Variants in TMC2 observed in about 807,000 individuals in gnomAD.
The protein encoded by TMC2 is transmembrane channel-like protein 2.
A neutral mutation model predicts 105.9 loss-of-function variants in TMC2; 102 were observed. The ratio of observed to expected loss-of-function variants is 0.96; its 90% CI spans 0.82 to 1.14. TMC2 has a LOEUF of 1.14. Ranked by LOEUF, TMC2 falls within the 50% of genes most tolerant of loss-of-function variation. The pLI is 0.00. For synonymous variants in TMC2, 402 were observed against 422.8 expected (o/e 0.95, Z 0.60); for missense variants, 1,093 against 1,134.3 (o/e 0.96, Z 0.52).
intron 2 of TMC2, among the ~76,000 whole-genome samples, chr20:2,539,993 T>TC (rs1555769296): frequency 7.4e-6 from 1 of 134,254 alleles, no homozygotes; most frequent in African/African-American, 3.1e-5. Flanking sequence ...TTCTTTTCTT[T>TC]TTTTTTTTTT....
intron 19 of TMC2, among the ~76,000 whole-genome samples, chr20:2,640,183 C>T (rs1252944854): frequency 1.3e-5 from 2 of 151,890 alleles, no homozygotes; most frequent in Non-Finnish European, 1.5e-5. Flanking sequence ...GATTTCACCA[C>T]GTTGGCCAGG....
intron 2 of TMC2, among the ~76,000 whole-genome samples, chr20:2,552,100 T>C (rs1214984799): frequency 2.0e-5 from 3 of 151,522 alleles, no homozygotes; most frequent in Admixed American, 1.3e-4. Context: ...AAAAAAAAAA[T>C]TATAAAATTA....
At chr20:2,606,096 G>T (rs2086389406) in intron 11 of TMC2, among the ~76,000 whole-genome samples, 2 of 152,096 alleles carry the variant, frequency 1.3e-5, no homozygotes, top group Non-Finnish European at 2.9e-5. Context: ...AGAAGTCAAA[G>T]GTTACCTGGT....
rs887198693 is a variant in TMC2, at chr20:2,542,963, A to G, written c.82+5647A>G. ...TTTAAAACAAAATACAAGGCCAGGC[A>G]TGGTGGCACACACCTGTAATCCCAG... On this transcript the variant is annotated intron_variant, in intron 2 of 19. Coordinates refer to ENST00000358864, the MANE Select transcript of TMC2 (RefSeq NM_080751.3). Among the ~76,000 whole-genome samples, 12 of 152,220 alleles carry G rather than the reference A, an allele frequency of 7.9e-5. No individual in the cohort carries two copies. The South Asian group carries it at 2.1e-3, about 26-fold the overall frequency.
At chr20:2,564,148 C>CTT (rs2086046949) in intron 4 of TMC2, among the ~76,000 whole-genome samples, 2 of 93,250 alleles carry the variant, frequency 2.1e-5, no homozygotes, top group South Asian at 3.8e-4. Context: ...TCTCAGCCTC[C>CTT]TCTTTTTTTT....
At chr20:2,599,016 T>C (rs867663887) in intron 10 of TMC2, among the ~76,000 whole-genome samples, 6 of 152,216 alleles carry the variant, frequency 3.9e-5, no homozygotes, top group Middle Eastern at 3.4e-3. Flanking sequence ...TAAGTTGCAG[T>C]TGGAGTGTAT....
At chr20:2,595,673 C>T (rs1039355253) in intron 9 of TMC2, among the ~76,000 whole-genome samples, 4 of 152,046 alleles carry the variant, frequency 2.6e-5, no homozygotes, top group Non-Finnish European at 4.4e-5. Context: ...CTGGGGGTCA[C>T]GGAGTGGAAG....
At chr20:2,567,499 A>C (rs1193657314) in intron 4 of TMC2, among the ~76,000 whole-genome samples, 2 of 152,222 alleles carry the variant, frequency 1.3e-5, no homozygotes, top group Non-Finnish European at 2.9e-5. Context: ...GATGATCAAC[A>C]GGTTTTAACA....
At chr20:2,621,221 G>T (rs566623962) in intron 16 of TMC2, among the ~76,000 whole-genome samples, 12 of 152,240 alleles carry the variant, frequency 7.9e-5, no homozygotes, top group African/African-American at 2.9e-4. Flanking sequence ...AATTAGCCAG[G>T]TGTGGTGGTG....
rs147800381 is a variant in TMC2 at position 2,617,300 on chromosome 20, C to T, written c.2169C>T (p.Cys723=). 2.4e-4 allele frequency: 389 copies of T among 1,614,070 alleles called. 2 individuals carry two copies. Among genetic ancestry groups the T allele is most frequent in the South Asian group, 1.6e-4 (15 of 91,092 alleles). The change falls in exon 16 of 20, where the codon TGC becomes TGT. Residue 723 remains cysteine (C), a synonymous_variant. Transcript: ENST00000358864. ...TGTCCCTCCCACCCTCCTTTGACTG[C>T]GGGCCGTTCAGGTGCAGAGTCTCAG... ...TIMSLPPSFD[C]GPFSGKNRMY...
Position 2,616,099 on chromosome 20 carries a change from TTTTC to T in TMC2, c.1873-36_1873-33del. On this transcript the variant is annotated intron_variant, in intron 14 of 19. Transcript: ENST00000358864. This position sits in a 1 kb window ranked among gnomAD's most constrained non-coding sequence, Gnocchi z 4.8. ...CTGAATTCACCAAACGTGCTTTTTTTTTTCTCTCTCTCTCTCGCTCCCTCCCTCC... is the reference window on the plus strand; with the variant it reads ...CTGAATTCACCAAACGTGCTTTTTTTTCTCTCTCTCTCGCTCCCTCCCTCC... 1 of 1,567,822 alleles carries T rather than the reference TTTTC, an allele frequency of 6.4e-7. No homozygotes were observed. Among genetic ancestry groups the T allele is most frequent in the South Asian group, 1.1e-5 (1 of 89,498 alleles).
At chr20:2,622,555 A>T (rs1029329724) in intron 16 of TMC2, among the ~76,000 whole-genome samples, 1 of 152,060 alleles carries the variant, frequency 6.6e-6, no homozygotes, top group Non-Finnish European at 1.5e-5. Context: ...GTAATCCACC[A>T]GGCATTGTGT....
intron 2 of TMC2, among the ~76,000 whole-genome samples, chr20:2,541,827 T>C (rs370667548): frequency 5.3e-5 from 8 of 152,178 alleles, no homozygotes; most frequent in East Asian, 1.9e-4. Context: ...AACGTAATAC[T>C]ATAAACAAGA....
chr20:2,558,740 A>G lies in TMC2; in HGVS notation c.367A>G (p.Arg123Gly). ...APKREKEIPR[R>G]EEKSKRQKKP... ...AAAGAGGGAAAAGGAGATTCCGAGG[A>G]GGGAGGAGAAGTCGAAGCGGCAGAA... Residue 123 changes from arginine to glycine, a missense_variant, in exon 3 of 20, where the codon AGG (arginine) becomes GGG (glycine). Transcript: ENST00000358864. The surrounding 1 kb of genome is among the most constrained non-coding windows in gnomAD (Gnocchi z 4.6). 6.3e-7 allele frequency: 1 copy of G among 1,575,386 alleles called. No homozygotes were observed. The highest frequency in any genetic ancestry group is 8.6e-7 in the Non-Finnish European group (1 of 1,161,940).
At chr20:2,593,964 C>A (rs990999080) in intron 8 of TMC2, among the ~76,000 whole-genome samples, 1 of 152,170 alleles carries the variant, frequency 6.6e-6, no homozygotes, top group Admixed American at 6.5e-5. Context: ...CTGCACGCAT[C>A]ACACACTGTC....
chr20:2,556,315 A>G (rs970562511), intron 2 of TMC2, among the ~76,000 whole-genome samples: 1 of 152,024 alleles, frequency 6.6e-6, no homozygotes, highest in Non-Finnish European at 1.5e-5. Flanking sequence ...TCCTGACTTC[A>G]TGATCCACCC....
rs935951248 is a variant in TMC2 at position 2,639,095 on chromosome 20, C to T, written c.2503+1504C>T. On this transcript the variant is annotated intron_variant, in intron 19 of 19. Coordinates refer to ENST00000358864, the MANE Select transcript of TMC2 (RefSeq NM_080751.3). ...TACTTTTAGTAGAGACAGGGTTTCA[C>T]CATGTTGGCCAGGCCGTTCTTGAAC... 4.2e-4 allele frequency among the ~76,000 whole-genome samples: 64 copies of T among 152,146 alleles called. 1 individual carries two copies. Among genetic ancestry groups the T allele is most frequent in the Admixed American group, 4.2e-3 (64 of 15,270 alleles).
rs11476357 is a variant in TMC2 at position 2,606,891 on chromosome 20, C to CTT, written c.1414-3510_1414-3509dup. 8.2e-3 allele frequency among the ~76,000 whole-genome samples: 690 copies of CTT among 83,952 alleles called. 9 individuals carry two copies. The highest frequency in any genetic ancestry group is 0.036 in the African/African-American group (613 of 16,990). 55.1% of individuals were successfully genotyped at this position (83,952 alleles called of 152,430 possible). On this transcript the variant is annotated intron_variant, in intron 11 of 19. Transcript: ENST00000358864. ...ATAGTTTTCCCTTAATTTCTTTTTT[C>CTT]TTTTTTTTTTTTTTTTTTTGCAGTA...
intron 2 of TMC2, among the ~76,000 whole-genome samples, chr20:2,552,708 G>A (rs993821001): frequency 6.6e-6 from 1 of 152,048 alleles, no homozygotes; most frequent in East Asian, 1.9e-4. Context: ...TAGAGACGGG[G>A]TTTTACCATG....
Sources: allele counts gnomAD v4.1 joint callset (sites outside exome capture counted in the v4.1 genomes callset), GRCh38; gene constraint gnomAD v4.1.1; non-coding constraint Gnocchi (gnomAD v3.1); transcripts MANE v1.5; gene names NCBI Gene and HGNC (gene_info 2026-07-23, HGNC 2026-07-21).